Variants in RC3H1 observed in about 807,000 individuals in gnomAD.
The protein encoded by RC3H1 is ring finger and CCCH-type domains 1.
In RC3H1, 50 loss-of-function variants were observed where a neutral mutation model predicts 138.2. The ratio of observed to expected loss-of-function variants is 0.36; its 90% confidence interval spans 0.29 to 0.46. The LOEUF (loss-of-function observed/expected upper bound fraction) is 0.46. RC3H1 is among the 20% of genes least tolerant of loss of function. The pLI is 1.00. For missense variants in RC3H1, 1,031 were observed against 1,388.1 expected (o/e 0.74, Z 4.09); for synonymous variants, 462 against 489.1 (o/e 0.94, Z 0.73).
Position 173,934,030 on chromosome 1 carries a change from T to C in RC3H1, c.*4691A>G, listed in dbSNP as rs932534256. ...CCTAAAAAGTAACTGGGCCATTCCT[T>C]TCAATGACATATAAATCGTTACAGG... On this transcript the variant is annotated 3_prime_UTR_variant, in exon 20 of 20. Transcript: ENST00000367696. The C allele has an allele frequency of 6.6e-6, 1 of 152,106 alleles. No individual in the cohort carries two copies. Among genetic ancestry groups the C allele is most frequent in the Non-Finnish European group, 1.5e-5 (1 of 67,992 alleles). The allele number at this position is 152,106 out of a possible 1,614,324, so 9.4% of individuals were successfully genotyped here.
chr1:174,007,004 T>C (rs2103082318), intron 1 of RC3H1, among the ~76,000 whole-genome samples: 1 of 152,232 alleles, frequency 6.6e-6, no homozygotes, highest in Admixed American at 6.5e-5. Flanking sequence ...CCCCCCTCAC[T>C]ATCCCTCCCA....
At chr1:174,000,727 A>T (rs1164463511) in intron 1 of RC3H1, among the ~76,000 whole-genome samples, 1 of 152,238 alleles carries the variant, frequency 6.6e-6, no homozygotes, top group East Asian at 1.9e-4. Flanking sequence ...ATCAGAGAAG[A>T]GAAAATGTTT....
At position 173,952,117 on chromosome 1, in the gene RC3H1, C is replaced by T; in HGVS notation, c.2392G>A (p.Val798Ile). Residue 798 changes from valine (V) to isoleucine (I), a missense_variant, in exon 14 of 20, where the codon GTA becomes ATA. Transcript: ENST00000367696. Reference sequence around the variant, plus strand: ...TCATTTCCTTTGTATTTCCCAGCTACCTTCAAGTCTTCATCCAAAAACTAC... The same window carrying T: ...TCATTTCCTTTGTATTTCCCAGCTATCTTCAAGTCTTCATCCAAAAACTAC... The part of the protein sequence containing the change: ...PEEFLDEDLK[V>I]AGKYKGNDYS... 1 of 1,550,970 alleles carries T rather than the reference C, an allele frequency of 6.4e-7. No homozygotes were observed. Among genetic ancestry groups the T allele is most frequent in the Non-Finnish European group, 8.7e-7 (1 of 1,148,950 alleles).
Position 173,935,269 on chromosome 1 carries a change from G to A in RC3H1, c.*3452C>T, listed in dbSNP as rs563363844. On this transcript the variant is annotated 3_prime_UTR_variant, in exon 20 of 20. Coordinates refer to ENST00000367696, the MANE Select transcript of RC3H1 (RefSeq NM_172071.4). Reference sequence around the variant, plus strand: ...AGGCAAAAGAGCTACATATAAACCAGAAATGGAATCTAGATGTCTTATTCT... The same window carrying A: ...AGGCAAAAGAGCTACATATAAACCAAAAATGGAATCTAGATGTCTTATTCT... The A allele has an allele frequency of 6.9e-4, 105 of 152,212 alleles. No individual in the cohort carries two copies. The highest frequency in any genetic ancestry group is 2.4e-3 in the African/African-American group (101 of 41,538). 9.4% of individuals were successfully genotyped at this position (152,212 alleles called of 1,614,324 possible).
intron 1 of RC3H1, among the ~76,000 whole-genome samples, chr1:174,013,360 C>G (rs917295494): frequency 2.0e-5 from 3 of 151,676 alleles, no homozygotes; most frequent in Non-Finnish European, 2.9e-5. Context: ...GGCTATTGAG[C>G]CCTTGAAATG....
chr1:173,990,085 A>ATT (rs369955533), intron 2 of RC3H1, among the ~76,000 whole-genome samples: 19,865 of 141,706 alleles, frequency 0.14, 1,490 homozygotes, highest in Middle Eastern at 0.23. Context: ...ATAGTTTTAC[A>ATT]TTTTTTTTTT....
rs535787190 is a variant in RC3H1 at position 173,951,564 on chromosome 1, G to A, written c.2523+422C>T. On this transcript the variant is annotated intron_variant, in intron 14 of 19. Transcript: ENST00000367696. ...AAAAAAAATTTTTTTTTTTTGAGAC[G>A]GAGTCTCGCTTTGTCACCCAGGCTG... 5.3e-5 allele frequency among the ~76,000 whole-genome samples: 8 copies of A among 151,348 alleles called. No homozygotes were observed. The East Asian group carries it at 5.8e-4, about 11-fold the overall frequency.
intron 2 of RC3H1, among the ~76,000 whole-genome samples, chr1:173,989,743 G>A (rs1447435540): frequency 1.9e-4 from 23 of 122,534 alleles, no homozygotes; most frequent in Non-Finnish European, 2.6e-4. Flanking sequence ...TTTTTGAGAC[G>A]GAGTCTCGCT....
At chr1:174,007,725 T>C (rs1261495287) in intron 1 of RC3H1, among the ~76,000 whole-genome samples, 2 of 152,120 alleles carry the variant, frequency 1.3e-5, no homozygotes, top group African/African-American at 4.8e-5. Context: ...CCCAGATCAG[T>C]AGGATGTCAG....
intron 1 of RC3H1, among the ~76,000 whole-genome samples, chr1:173,999,121 G>A (rs563418494): frequency 6.6e-6 from 1 of 151,602 alleles, no homozygotes; most frequent in East Asian, 1.9e-4. Context: ...GGGCGTGGTG[G>A]CTCACACCTG....
chr1:173,978,748 T>G, intron 6 of RC3H1, 128 bp from the exon 7 acceptor site: 1 of 964,554 alleles, frequency 1.0e-6, no homozygotes, highest in Non-Finnish European at 1.5e-6. Flanking sequence ...CCCTACACTT[T>G]GGCCAGAGTA....
At chr1:173,941,420 T>G in intron 18 of RC3H1, 40 bp from the exon 19 acceptor site, 1 of 1,213,474 alleles carries the variant, frequency 8.2e-7, no homozygotes, top group East Asian at 2.3e-5. Flanking sequence ...ATCATCTATT[T>G]AATGGTGTTA....
chr1:173,987,751 G>A (rs1192214376), intron 2 of RC3H1, among the ~76,000 whole-genome samples: 3 of 151,676 alleles, frequency 2.0e-5, no homozygotes, highest in African/African-American at 4.8e-5. Context: ...GTAATAACCC[G>A]AGATACACAC....
chr1:173,945,417 C>A (rs920217926), intron 17 of RC3H1, among the ~76,000 whole-genome samples: 2 of 151,942 alleles, frequency 1.3e-5, no homozygotes, highest in African/African-American at 4.8e-5. Context: ...TGAACCACCA[C>A]GTCCAGCCAG....
chr1:173,970,659 A>C, intron 8 of RC3H1, 42 bp from the exon 9 acceptor site: 2 of 1,230,348 alleles, frequency 1.6e-6, no homozygotes, highest in Non-Finnish European at 2.3e-6. Flanking sequence ...ATAACCCCCC[A>C]CAAAAAAACA....
chr1:173,975,920 AAAAAAAAAAAAAAAT>A, intron 7 of RC3H1, among the ~76,000 whole-genome samples: 2 of 59,604 alleles, frequency 3.4e-5, no homozygotes, highest in Non-Finnish European at 5.2e-5. Context: ...AAAAAAAAAA[AAAAAAAAAAAAAAAT>A]ACAGTAAATT....
At chr1:174,003,940 C>A (rs898360219) in intron 1 of RC3H1, among the ~76,000 whole-genome samples, 2 of 151,620 alleles carry the variant, frequency 1.3e-5, no homozygotes, top group Non-Finnish European at 2.9e-5. Flanking sequence ...AGATTACAGG[C>A]ATAAGCCACT....
At chr1:173,988,939 T>C (rs1257424268) in intron 2 of RC3H1, among the ~76,000 whole-genome samples, 2 of 152,246 alleles carry the variant, frequency 1.3e-5, no homozygotes, top group Non-Finnish European at 2.9e-5. Context: ...ATTCTACATA[T>C]AAGTCTTTAT....
In RC3H1 at chr1:173,938,850, G is replaced by A. The variant is rs189538047; in HGVS notation, c.3273C>T (p.Ala1091=). 1.2e-6 allele frequency: 2 copies of A among 1,611,752 alleles called. No homozygotes were observed. The highest frequency in any genetic ancestry group is 3.3e-5 in the Admixed American group (2 of 59,732). ...LTFSDVPNGS[A]LTQENISLLS... ...GGAGGCTGATATTCTCTTGTGTCAA[G>A]GCTGATCCATTTGGTACATCACTGC... Residue 1091 remains alanine, a synonymous_variant, in exon 20 of 20, where the codon GCC becomes GCT. Coordinates refer to ENST00000367696, the MANE Select transcript of RC3H1 (RefSeq NM_172071.4).
Sources: gnomAD v4.1 joint callset for allele counts (sites outside exome capture counted in the v4.1 genomes callset) on GRCh38, gnomAD v4.1.1 for gene constraint, MANE v1.5 for transcripts, NCBI Gene and HGNC (gene_info 2026-07-23, HGNC 2026-07-21) for gene names.